Variants in LRP1B observed in about 807,000 individuals in gnomAD.
LRP1B encodes the protein LDL receptor related protein 1B.
In LRP1B, 217 loss-of-function variants were observed where a neutral mutation model predicts 556.6. That is an observed-to-expected ratio of 0.39 (90% CI 0.35 to 0.44). LRP1B has a LOEUF of 0.44. LRP1B is among the 20% of genes least tolerant of loss of function. The pLI is 1.00. For missense variants in LRP1B, 5,053 were observed against 5,620.8 expected (o/e 0.90, Z 3.23); for synonymous variants, 2,047 against 1,865.8 (o/e 1.10, Z -2.50).
At chr2:140,694,437 T>C (rs189349439) in intron 41 of LRP1B, among the ~76,000 whole-genome samples, 1 of 152,338 alleles carries the variant, frequency 6.6e-6, no homozygotes, top group Admixed American at 6.5e-5. Flanking sequence ...TCTGTTTAAA[T>C]ACCATTGTCT....
At chr2:140,931,451 G>A (rs976628159) in intron 20 of LRP1B, among the ~76,000 whole-genome samples, 17 of 151,836 alleles carry the variant, frequency 1.1e-4, no homozygotes, top group African/African-American at 3.9e-4. Flanking sequence ...TTCGTCATGA[G>A]TACATAGACT....
intron 1 of LRP1B, among the ~76,000 whole-genome samples, chr2:141,868,101 C>G (rs1467824242): frequency 1.3e-5 from 2 of 152,118 alleles, no homozygotes; most frequent in African/African-American, 4.8e-5. Flanking sequence ...TAAAGGAGTA[C>G]ATAGAAATGC....
intron 1 of LRP1B, among the ~76,000 whole-genome samples, chr2:141,840,810 G>T (rs1441443676): frequency 6.6e-6 from 1 of 151,892 alleles, no homozygotes; most frequent in Non-Finnish European, 1.5e-5. Context: ...AAATGTTTCA[G>T]AATAATTGTT....
At chr2:141,408,698 A>G (rs1028273724) in intron 3 of LRP1B, among the ~76,000 whole-genome samples, 1 of 137,860 alleles carries the variant, frequency 7.3e-6, no homozygotes, top group Non-Finnish European at 1.6e-5. Context: ...TTTATCTCTA[A>G]TGGGTTACTC....
intron 27 of LRP1B, among the ~76,000 whole-genome samples, chr2:140,860,026 A>T (rs1216222122): frequency 6.6e-6 from 1 of 152,108 alleles, no homozygotes; most frequent in Non-Finnish European, 1.5e-5. Context: ...AATTAAAAAA[A>T]AATTGCCTTC....
intron 14 of LRP1B, among the ~76,000 whole-genome samples, chr2:141,007,048 C>T (rs1271837957): frequency 6.6e-6 from 1 of 151,696 alleles, no homozygotes; most frequent in Non-Finnish European, 1.5e-5. Context: ...TTGTTGAAAG[C>T]ATCAATAAAT....
At chr2:140,447,406 G>A (rs1375689716) in intron 63 of LRP1B, among the ~76,000 whole-genome samples, 1 of 150,788 alleles carries the variant, frequency 6.6e-6, no homozygotes, top group African/African-American at 2.4e-5. Context: ...TTTTTTTTTG[G>A]TTTCCTAGTA....
At position 141,016,372 on chromosome 2, in the gene LRP1B, T is replaced by A. The variant is rs79811127; in HGVS notation, c.1971-457A>T. 5.6e-3 allele frequency among the ~76,000 whole-genome samples: 847 copies of A among 152,240 alleles called. 8 individuals carry two copies. Among genetic ancestry groups the A allele is most frequent in the African/African-American group, 0.019 (799 of 41,574 alleles). On this transcript the variant is annotated intron_variant, in intron 12 of 90. Transcript: ENST00000389484. ...ATGATCTACTCCAGACTTTATTTAATCTCAGATGAATTATGATTCTTTAAG... is the reference window on the plus strand; with the variant it reads ...ATGATCTACTCCAGACTTTATTTAAACTCAGATGAATTATGATTCTTTAAG...
At chr2:140,466,155 G>A (rs1687541629) in intron 60 of LRP1B, among the ~76,000 whole-genome samples, 2 of 148,522 alleles carry the variant, frequency 1.3e-5, no homozygotes, top group South Asian at 2.1e-4. Context: ...GGCTACAGTG[G>A]ATATCTAAAT....
At position 141,824,835 on chromosome 2, in the gene LRP1B, C is replaced by G. The variant is rs72849309; in HGVS notation, c.83-14434G>C. On this transcript the variant is annotated intron_variant, in intron 1 of 90. Transcript: ENST00000389484. ...TGATATGGTTTGGCTGTGTCCCCAC[C>G]CTAATCTCATCTCGAATTGTAATCC... 9.4e-3 allele frequency among the ~76,000 whole-genome samples: 1,438 copies of G among 152,198 alleles called. 20 individuals carry two copies. The highest frequency in any genetic ancestry group is 0.018 in the South Asian group (86 of 4,822).
At chr2:141,555,992 G>A (rs2105238871) in intron 2 of LRP1B, among the ~76,000 whole-genome samples, 1 of 151,828 alleles carries the variant, frequency 6.6e-6, no homozygotes, top group South Asian at 2.1e-4. Context: ...TTTTCTGTTT[G>A]TTTATGGCCG....
chr2:140,889,855 A>G lies in LRP1B; in HGVS notation c.3767-3520T>C, dbSNP rs549999420. 8.7e-4 allele frequency among the ~76,000 whole-genome samples: 132 copies of G among 152,288 alleles called. 1 individual carries two copies. The highest frequency in any genetic ancestry group is 3.1e-3 in the African/African-American group (129 of 41,554). On this transcript the variant is annotated intron_variant, in intron 23 of 90. Transcript: ENST00000389484. Reference sequence around the variant, plus strand: ...GTTTGTATTTCTACAACTATTTTGGAGACATATTTGGCTATAATAGACTTG... The same window carrying G: ...GTTTGTATTTCTACAACTATTTTGGGGACATATTTGGCTATAATAGACTTG...
intron 2 of LRP1B, among the ~76,000 whole-genome samples, chr2:141,570,543 G>A (rs375937466): frequency 1.3e-5 from 2 of 151,236 alleles, no homozygotes; most frequent in South Asian, 4.2e-4. Flanking sequence ...GGGGAGGGGT[G>A]ACCAGCACTG....
At chr2:142,080,978 A>G (rs182352248) in intron 1 of LRP1B, among the ~76,000 whole-genome samples, 16 of 152,284 alleles carry the variant, frequency 1.1e-4, no homozygotes, top group Non-Finnish European at 1.8e-4. Context: ...TGGAAGAAAG[A>G]AGGATTGATG....
At chr2:140,944,824 G>A (rs1045625894) in intron 20 of LRP1B, among the ~76,000 whole-genome samples, 1 of 152,106 alleles carries the variant, frequency 6.6e-6, no homozygotes, top group African/African-American at 2.4e-5. Flanking sequence ...GGCAAAACCT[G>A]CAAGCATTTC....
At chr2:142,014,947 A>G (rs1703073456) in intron 1 of LRP1B, among the ~76,000 whole-genome samples, 1 of 152,224 alleles carries the variant, frequency 6.6e-6, no homozygotes, top group Admixed American at 6.5e-5. Context: ...AAACATAAAA[A>G]TTGAAAACTA....
chr2:140,473,113 A>G (rs1031191354), intron 60 of LRP1B, among the ~76,000 whole-genome samples: 3 of 152,002 alleles, frequency 2.0e-5, no homozygotes, highest in African/African-American at 7.2e-5. Context: ...AAACATGGCA[A>G]ATTAATGGCT....
intron 80 of LRP1B, among the ~76,000 whole-genome samples, chr2:140,324,689 T>A (rs750024911): frequency 6.6e-6 from 1 of 152,070 alleles, no homozygotes; most frequent in Non-Finnish European, 1.5e-5. Flanking sequence ...ATAATTATTC[T>A]AACTTTTGAA....
chr2:141,053,159 T>TA (rs764677254), intron 10 of LRP1B, among the ~76,000 whole-genome samples: 1 of 152,124 alleles, frequency 6.6e-6, no homozygotes, highest in African/African-American at 2.4e-5. Flanking sequence ...AATTGAATAG[T>TA]AAAAAATACA....
Sources: gnomAD v4.1 joint callset for allele counts (sites outside exome capture counted in the v4.1 genomes callset) on GRCh38, gnomAD v4.1.1 for gene constraint, MANE v1.5 for transcripts, NCBI Gene and HGNC (gene_info 2026-07-23, HGNC 2026-07-21) for gene names.